Variants in HDAC4 observed in about 807,000 individuals in gnomAD.
HDAC4 encodes histone deacetylase 4, also known as histone deacetylase A.
A neutral mutation model predicts 135.1 loss-of-function variants in HDAC4; 16 were observed. The observed-to-expected ratio is 0.12, with a 90% CI of 0.08 to 0.18. The LOEUF (loss-of-function observed/expected upper bound fraction) is 0.18, where lower values mean the gene tolerates loss of function less well. Ranked by LOEUF, HDAC4 falls within the 10% of genes least tolerant of loss-of-function variation. The probability of loss-of-function intolerance (pLI) is 1.00; values close to 1 mark genes in which losing one functional copy is unlikely to be tolerated. For missense variants in HDAC4, 1,143 were observed against 1,511.8 expected, an observed-to-expected ratio of 0.76 and a Z score of 4.05; for synonymous variants, 685 against 653.4, an observed-to-expected ratio of 1.05 and a Z score of -0.74.
rs989873949 is a variant in HDAC4 at position 239,048,597 on chromosome 2, T to C, written c.*4500A>G. 1.0e-4 allele frequency: 10 copies of C among 97,018 alleles called. No individual in the cohort carries two copies. The highest frequency in any genetic ancestry group is 2.4e-4 in the Non-Finnish European group (10 of 41,538). The allele number at this position is 97,018 out of a possible 1,614,324, so 6.0% of individuals were successfully genotyped here. On this transcript the variant is annotated 3_prime_UTR_variant, in exon 27 of 27. Transcript: ENST00000543185. ...GATAGATAGATAGATAGATAGATTA[T>C]ATATGTTTGTCATTCTCATCAATTG...
intron 15 of HDAC4, 121 bp downstream of exon 15, chr2:239,107,929 C>A: frequency 1.6e-6 from 2 of 1,251,328 alleles, no homozygotes; most frequent in South Asian, 2.5e-5. Flanking sequence ...GGCCCTTCCC[C>A]CGGGGCTGTA....
At chr2:239,059,068 T>C (rs2032293567) in intron 24 of HDAC4, among the ~76,000 whole-genome samples, 1 of 152,226 alleles carries the variant, frequency 6.6e-6, no homozygotes, top group African/African-American at 2.4e-5. Context: ...TGAGTCCTTA[T>C]GTTTGGAAAT....
At chr2:239,190,411 T>C (rs1403800836) in intron 3 of HDAC4, among the ~76,000 whole-genome samples, 1 of 152,246 alleles carries the variant, frequency 6.6e-6, no homozygotes, top group African/African-American at 2.4e-5. Flanking sequence ...GAGGCCTTGC[T>C]GACGTCATTT....
chr2:239,226,640 G>T (rs2047255600), intron 3 of HDAC4, among the ~76,000 whole-genome samples: 1 of 151,006 alleles, frequency 6.6e-6, no homozygotes, highest in African/African-American at 2.4e-5. Context: ...TGGGTCGACA[G>T]CAACAACAAC....
chr2:239,239,478 A>G (rs1414047404), intron 2 of HDAC4, among the ~76,000 whole-genome samples: 1 of 152,106 alleles, frequency 6.6e-6, no homozygotes, highest in East Asian at 1.9e-4. Context: ...TCCCGAGGCT[A>G]TCCAGGGGTC....
intron 3 of HDAC4, among the ~76,000 whole-genome samples, chr2:239,226,732 T>A (rs901053325): frequency 6.6e-6 from 1 of 152,202 alleles, no homozygotes; most frequent in Non-Finnish European, 1.5e-5. Context: ...AAACTTTCTA[T>A]CTTTCTGCCT....
rs546239312 is a variant in HDAC4, at chr2:239,373,057, C to T, written c.-219-20139G>A. On this transcript the variant is annotated intron_variant, in intron 1 of 26. Coordinates refer to ENST00000543185, the MANE Select transcript of HDAC4 (RefSeq NM_001378414.1). ...TTACCACAACACTGCAAGAGACTGC[C>T]GGGTGCAAAGAGCCTCACGTCCTGG... 3.3e-5 allele frequency among the ~76,000 whole-genome samples: 5 copies of T among 152,246 alleles called. No individual in the cohort carries two copies. The East Asian group carries it at 5.8e-4, about 18-fold the overall frequency.
chr2:239,395,716 C>T (rs1167907942), intron 1 of HDAC4, among the ~76,000 whole-genome samples: 2 of 152,152 alleles, frequency 1.3e-5, no homozygotes. Flanking sequence ...TCTTACACTG[C>T]ACACTTCTGC....
At chr2:239,162,280 C>T (rs565996749) in intron 6 of HDAC4, 5 of 456,710 alleles carry the variant, frequency 1.1e-5, no homozygotes, top group African/African-American at 8.0e-5. Context: ...GGCGGCCCTG[C>T]CCTGGTCCAG....
chr2:239,159,372 CCA>C (rs1460693975), intron 6 of HDAC4, among the ~76,000 whole-genome samples: 1 of 149,648 alleles, frequency 6.7e-6, no homozygotes, highest in Non-Finnish European at 1.5e-5. Context: ...CACCTCACAC[CCA>C]CACCCCCCTC....
intron 4 of HDAC4, among the ~76,000 whole-genome samples, chr2:239,184,799 GGGGTCCCTC>G (rs2153028902): frequency 2.6e-5 from 2 of 76,236 alleles, no homozygotes; most frequent in South Asian, 1.6e-3. Context: ...GTCCTATGGG[GGGGTCCCTC>G]AGTGTCTGTC....
chr2:239,180,651 C>G (rs1162664747), intron 4 of HDAC4, among the ~76,000 whole-genome samples: 1 of 152,246 alleles, frequency 6.6e-6, no homozygotes, highest in African/African-American at 2.4e-5. Flanking sequence ...CATTGGCCAA[C>G]CAAATGGCAT....
chr2:239,329,246 C>T (rs1318206608), intron 2 of HDAC4, among the ~76,000 whole-genome samples: 3 of 152,196 alleles, frequency 2.0e-5, no homozygotes, highest in African/African-American at 2.4e-5. Context: ...CTGTGCAGAC[C>T]CCAAAGGCGG....
chr2:239,082,590 A>C (rs1476164471), intron 20 of HDAC4, among the ~76,000 whole-genome samples: 1 of 152,224 alleles, frequency 6.6e-6, no homozygotes, highest in East Asian at 1.9e-4. Flanking sequence ...CGTGTCTCTG[A>C]CAAGTGAGCC....
At chr2:239,120,557 C>T (rs2039583420) in intron 12 of HDAC4, among the ~76,000 whole-genome samples, 1 of 141,090 alleles carries the variant, frequency 7.1e-6, no homozygotes, top group Non-Finnish European at 1.5e-5. Flanking sequence ...AGGGTGGGTA[C>T]AATGCCAGGA....
intron 3 of HDAC4, among the ~76,000 whole-genome samples, chr2:239,197,131 T>C (rs2045443103): frequency 6.6e-6 from 1 of 152,176 alleles, no homozygotes; most frequent in African/African-American, 2.4e-5. Flanking sequence ...AGCTGTGTCT[T>C]AAAAAGGGAG....
chr2:239,090,201 C>T (rs542815967), intron 17 of HDAC4, 85 bp from the exon 18 acceptor site: 71 of 954,346 alleles, frequency 7.4e-5, no homozygotes, highest in Middle Eastern at 2.1e-4. Context: ...GCTCAGGTTC[C>T]GTGGGCTCTG....
At chr2:239,197,630 G>A (rs1466796569) in intron 3 of HDAC4, among the ~76,000 whole-genome samples, 3 of 152,056 alleles carry the variant, frequency 2.0e-5, no homozygotes, top group East Asian at 1.9e-4. Context: ...TGTCTTACAC[G>A]CTTCTTCATG....
At chr2:239,293,875 A>G (rs2051686951) in intron 2 of HDAC4, among the ~76,000 whole-genome samples, 1 of 152,214 alleles carries the variant, frequency 6.6e-6, no homozygotes, top group East Asian at 1.9e-4. Flanking sequence ...CCTCCTTACA[A>G]AACCTTTCTA....
Sources: allele counts gnomAD v4.1 joint callset (sites outside exome capture counted in the v4.1 genomes callset), GRCh38; gene constraint gnomAD v4.1.1; transcripts MANE v1.5; gene names NCBI Gene and HGNC (gene_info 2026-07-23, HGNC 2026-07-21).